The following FAM200A variants were observed in gnomAD, a reference collection of about 807,000 sequenced individuals.
FAM200A encodes ZBED8 like.
A neutral mutation model predicts 44.2 loss-of-function variants in FAM200A; 26 were observed. That is an observed-to-expected ratio of 0.59 (90% CI 0.43 to 0.82). The LOEUF (loss-of-function observed/expected upper bound fraction) is 0.82. Ranked by LOEUF, FAM200A falls within the 40% of genes least tolerant of loss-of-function variation. The pLI is 0.00. For synonymous variants in FAM200A, 206 were observed against 244.4 expected, an observed-to-expected ratio of 0.84 and a Z score of 1.47; for missense variants, 606 against 669.5, an observed-to-expected ratio of 0.91 and a Z score of 1.05.
chr7:99,555,482 A>G (rs1802659340), upstream of FAM200A, among the ~76,000 whole-genome samples: 1 of 151,962 alleles, frequency 6.6e-6, no homozygotes, highest in African/African-American at 2.4e-5. Context: ...ACGAATGCAC[A>G]CTCTTATTGG....
At chr7:99,557,510 T>C (rs1415448658) in intron 1 of FAM200A, among the ~76,000 whole-genome samples, 3 of 152,224 alleles carry the variant, frequency 2.0e-5, no homozygotes, top group Non-Finnish European at 2.9e-5. Context: ...ACCAGGGGTG[T>C]ATTTCTGTTC....
In FAM200A at chr7:99,551,812, G is replaced by C. The variant is rs935192613; in HGVS notation, c.-100+42C>G. On this transcript the variant is annotated intron_variant, in intron 1 of 1. Coordinates refer to ENST00000449309, the MANE Select transcript of FAM200A (RefSeq NM_145111.4). ...CAGACCGCCTCTCTCCAGTCCCAGGGGTGTCTCCAATCCGGAAACCAAAAC... is the reference window on the plus strand; with the variant it reads ...CAGACCGCCTCTCTCCAGTCCCAGGCGTGTCTCCAATCCGGAAACCAAAAC... The C allele has an allele frequency of 3.1e-5, 31 of 985,192 alleles. No individual in the cohort carries two copies. In the African/African-American group the frequency reaches 5.2e-4, roughly 17 times the overall value. 61.0% of individuals were successfully genotyped at this position (985,192 alleles called of 1,614,324 possible).
chr7:99,556,862 C>A (rs148835882), upstream of FAM200A, among the ~76,000 whole-genome samples: 4,895 of 152,174 alleles, frequency 0.032, 99 homozygotes, highest in South Asian at 0.049. Context: ...ATGGTGAAAC[C>A]CCATCTCTAC....
At chr7:99,554,478 CAAAAAAA>C (rs397889799), upstream of FAM200A, among the ~76,000 whole-genome samples, 1 of 52,198 alleles carries the variant, frequency 1.9e-5, no homozygotes, top group Non-Finnish European at 4.0e-5. Flanking sequence ...GACTCCGTCT[CAAAAAAA>C]AAAAAAAAAA....
Position 99,547,281 on chromosome 7 carries a change from A to G in FAM200A, c.1127T>C (p.Leu376Pro). The change falls in exon 2 of 2, where the codon CTA (leucine) becomes CCA (proline). Residue 376 changes from leucine (L) to proline (P), a missense_variant. Transcript: ENST00000449309. ...CAATAATAACGTCTTTTGGAATCCT[A>G]GAATATGTTCAAGATACTGAAATAT... ...NDIFQYLEHILGFQKTLLLWQ... is the reference protein window; with the variant it reads ...NDIFQYLEHIPGFQKTLLLWQ... The G allele has an allele frequency of 6.4e-7, 1 of 1,551,392 alleles. No homozygotes were observed. Among genetic ancestry groups the G allele is most frequent in the Non-Finnish European group, 8.7e-7 (1 of 1,146,918 alleles).
intron 1 of FAM200A, among the ~76,000 whole-genome samples, chr7:99,551,630 A>G (rs1584225758): frequency 6.6e-6 from 1 of 152,238 alleles, no homozygotes; most frequent in East Asian, 1.9e-4. Context: ...TAAGATCGCC[A>G]GAATTTTACA....
chr7:99,547,888 A>AT lies in FAM200A; in HGVS notation c.519dup (p.Cys174MetfsTer17). 1 of 1,551,332 alleles carries AT rather than the reference A, an allele frequency of 6.4e-7. No homozygotes were observed. The highest frequency in any genetic ancestry group is 8.7e-7 in the Non-Finnish European group (1 of 1,146,982). On this transcript the variant is annotated frameshift_variant, in exon 2 of 2. Transcript: ENST00000449309. LOFTEE classifies it high-confidence loss of function. The stretch of plus-strand genomic sequence containing the variant: ...ATATGTGAATTTAAATTTAAACAAC[A>AT]TAAGAGATCCTCTACAAAATCATCT...
chr7:99,553,070 C>CATATATAT (rs1178743418), upstream of FAM200A, among the ~76,000 whole-genome samples: 275 of 73,988 alleles, frequency 3.7e-3, 5 homozygotes, highest in Non-Finnish European at 3.9e-3. Context: ...TATACACACA[C>CATATATAT]ATATATATAT....
At position 99,548,191 on chromosome 7, in the gene FAM200A, T is replaced by C. The variant is rs748044311; in HGVS notation, c.217A>G (p.Lys73Glu). 1.3e-6 allele frequency: 2 copies of C among 1,562,136 alleles called. No individual in the cohort carries two copies. The highest frequency in any genetic ancestry group is 1.7e-6 in the Non-Finnish European group (2 of 1,152,012). ...SSYLVAYRVA[K>E]EKMAHTAAEK... The stretch of plus-strand genomic sequence containing the variant: ...GCCGCTGTGTGAGCCATTTTCTCTT[T>C]TGCCACTCTATATGCAACTAAATAC... The change falls in exon 2 of 2, where the codon AAA becomes GAA. Residue 73 changes from lysine to glutamate, a missense_variant. Physicochemically the swap from Lys to Glu is moderately conservative, Grantham distance 56. Coordinates refer to ENST00000449309, the MANE Select transcript of FAM200A (RefSeq NM_145111.4).
At chr7:99,551,191 A>AC (rs1218874055) in intron 1 of FAM200A, among the ~76,000 whole-genome samples, 3 of 151,692 alleles carry the variant, frequency 2.0e-5, no homozygotes, top group Non-Finnish European at 4.4e-5. Flanking sequence ...GGCTTCAAAC[A>AC]TTCTCTTTTT....
At chr7:99,556,900 G>A (rs371836811), upstream of FAM200A, among the ~76,000 whole-genome samples, 25 of 152,280 alleles carry the variant, frequency 1.6e-4, no homozygotes, top group African/African-American at 6.0e-4. Flanking sequence ...GCTAGGTGTG[G>A]TGGTGCCCAC....
At chr7:99,553,070 C>CACATATATATAT (rs1262148562), upstream of FAM200A, among the ~76,000 whole-genome samples, 4 of 74,028 alleles carry the variant, frequency 5.4e-5, no homozygotes, top group African/African-American at 1.6e-4. Context: ...TATACACACA[C>CACATATATATAT]ATATATATAT....
At chr7:99,558,267 G>A (rs1424815407) in intron 1 of FAM200A, 1 of 152,170 alleles carries the variant, frequency 6.6e-6, no homozygotes, top group African/African-American at 2.4e-5. Context: ...GGACCATTAG[G>A]TCGGCCATTC....
chr7:99,553,098 TA>T (rs1283997349), upstream of FAM200A, among the ~76,000 whole-genome samples: 454 of 75,592 alleles, frequency 6.0e-3, 6 homozygotes, highest in South Asian at 0.024. Context: ...TATATATATA[TA>T]TTTTTTTTTT....
upstream of FAM200A, among the ~76,000 whole-genome samples, chr7:99,553,434 A>T (rs759806208): frequency 6.6e-6 from 1 of 152,078 alleles, no homozygotes; most frequent in Admixed American, 6.6e-5. Flanking sequence ...TGTGGCAGGA[A>T]TTGTAGGCAT....
upstream of FAM200A, among the ~76,000 whole-genome samples, chr7:99,556,357 G>T (rs890272966): frequency 7.9e-5 from 12 of 152,010 alleles, no homozygotes; most frequent in Admixed American, 3.3e-4. Context: ...TTGACTCAGG[G>T]GACCTGCCGA....
In FAM200A at chr7:99,546,309, CAAATAT is replaced by C. The variant is rs1265246637; in HGVS notation, c.*371_*376del. Reference sequence around the variant, plus strand: ...ATGTAGAAAAATAAAATCCTAATTACAAATATAATTTTATTAACGTTTAACTACAAC... The same window carrying C: ...ATGTAGAAAAATAAAATCCTAATTACAATTTTATTAACGTTTAACTACAAC... On this transcript the variant is annotated 3_prime_UTR_variant, in exon 2 of 2. Transcript: ENST00000449309. 1 of 163,756 alleles carries C rather than the reference CAAATAT, an allele frequency of 6.1e-6. No individual in the cohort carries two copies. Among genetic ancestry groups the C allele is most frequent in the Non-Finnish European group, 1.3e-5 (1 of 76,216 alleles). 10.1% of individuals were successfully genotyped at this position (163,756 alleles called of 1,614,324 possible).
In FAM200A at chr7:99,547,483, C is replaced by T; in HGVS notation, c.925G>A (p.Val309Ile). The change falls in exon 2 of 2, where the codon GTA (valine) becomes ATA (isoleucine). Residue 309 changes from valine (V) to isoleucine (I), a missense_variant. By Grantham distance (29) the Val-to-Ile change is conservative. Transcript: ENST00000449309. ...TEVRWLSQGK[V>I]LSRVYELRNE... ...CTGAGTTCATATACTCTGCTCAATA[C>T]TTTTCCTTGAGAAAGCCAACGAACT... is the stretch of plus-strand genomic sequence containing the variant. 1.3e-6 allele frequency: 2 copies of T among 1,549,972 alleles called. No homozygotes were observed. The highest frequency in any genetic ancestry group is 1.7e-6 in the Non-Finnish European group (2 of 1,146,074).
upstream of FAM200A, among the ~76,000 whole-genome samples, chr7:99,553,291 T>C (rs1456792720): frequency 6.6e-6 from 1 of 151,558 alleles, no homozygotes; most frequent in Admixed American, 6.6e-5. Context: ...CTACACACTG[T>C]ATTTTTCTTC....
Sources: gnomAD v4.1 joint callset for allele counts (sites outside exome capture counted in the v4.1 genomes callset) on GRCh38, gnomAD v4.1.1 for gene constraint, MANE v1.5 for transcripts, NCBI Gene and HGNC (gene_info 2026-07-23, HGNC 2026-07-21) for gene names.